Variants in BPIFB2 observed in about 807,000 individuals in gnomAD.
The protein encoded by BPIFB2 is BPI fold-containing family B member 2.
BPIFB2 carries 39 observed loss-of-function variants against 50.1 expected under a neutral mutation model. The ratio of observed to expected loss-of-function variants is 0.78; its 90% CI spans 0.60 to 1.02. The LOEUF (loss-of-function observed/expected upper bound fraction) is 1.02. Among genes scored for constraint, BPIFB2 ranks in the 50% least tolerant of loss-of-function variants. The probability of loss-of-function intolerance (pLI) is 0.00; values close to 1 mark genes in which losing one functional copy is unlikely to be tolerated. For synonymous variants in BPIFB2, 280 were observed against 256.3 expected (o/e 1.09, Z -0.88); for missense variants, 574 against 585.8 (o/e 0.98, Z 0.21).
At position 33,019,048 on chromosome 20, in the gene BPIFB2, G is replaced by C; in HGVS notation, c.856-14G>C. On this transcript the variant is annotated splice_polypyrimidine_tract_variant and intron_variant, in intron 9 of 15. Coordinates refer to ENST00000170150, the MANE Select transcript of BPIFB2 (RefSeq NM_025227.3). Reference sequence around the variant, plus strand: ...TGTCCTAAAACCTGTTGTGGCCTGGGGTGCTGATTTCAGAGGTCGGATGAC... The same window carrying C: ...TGTCCTAAAACCTGTTGTGGCCTGGCGTGCTGATTTCAGAGGTCGGATGAC... The C allele has an allele frequency of 6.2e-7, 1 of 1,614,168 alleles. No homozygotes were observed. The highest frequency in any genetic ancestry group is 8.5e-7 in the Non-Finnish European group (1 of 1,180,024).
At chr20:33,022,684 G>A (rs1978719502) in intron 15 of BPIFB2, among the ~76,000 whole-genome samples, 2 of 152,222 alleles carry the variant, frequency 1.3e-5, no homozygotes, top group South Asian at 2.1e-4. Flanking sequence ...TGGCTACTGA[G>A]CACTGAAATG....
Position 33,015,176 on chromosome 20 carries a change from C to T in BPIFB2, c.456-260C>T, listed in dbSNP as rs1041379230. Among the ~76,000 whole-genome samples, 6 of 152,190 alleles carry T rather than the reference C, an allele frequency of 3.9e-5. No homozygotes were observed. The East Asian group carries it at 7.7e-4, about 20-fold the overall frequency. On this transcript the variant is annotated intron_variant, in intron 5 of 15. Coordinates refer to ENST00000170150, the MANE Select transcript of BPIFB2 (RefSeq NM_025227.3). ...TCATGGCCAAGTCTGGCTTTTGCAA[C>T]GCCCTCTCTGTCTCACGCGCCACAT...
intron 5 of BPIFB2, 71 bp downstream of exon 5, chr20:33,014,027 C>T: frequency 6.5e-7 from 1 of 1,541,356 alleles, no homozygotes; most frequent in Non-Finnish European, 8.8e-7. Flanking sequence ...TCCTGAGCTG[C>T]CCACTCAGGA....
Position 33,012,899 on chromosome 20 carries a change from G to T in BPIFB2, c.300G>T (p.Lys100Asn), listed in dbSNP as rs774436795. ...TGGCAGCAGCTAATTTTACTTTCAA[G>T]GTCTTTCGGTGAGCGGATCTCCTTG... ...RLLAAANFTFKVFRAPEPLEL... is the reference protein window; with the variant it reads ...RLLAAANFTFNVFRAPEPLEL... Residue 100 changes from lysine (K) to asparagine (N), a missense_variant, in exon 4 of 16, where the codon AAG becomes AAT. Physicochemically the swap from Lys to Asn is moderately conservative, Grantham distance 94 (BLOSUM62 0). Coordinates refer to ENST00000170150, the MANE Select transcript of BPIFB2 (RefSeq NM_025227.3). The T allele has an allele frequency of 1.2e-6, 2 of 1,610,628 alleles. No homozygotes were observed. The highest frequency in any genetic ancestry group is 2.7e-5 in the African/African-American group (2 of 74,828).
At chr20:33,016,234 C>T (rs1380626369) in intron 6 of BPIFB2, among the ~76,000 whole-genome samples, 1 of 152,108 alleles carries the variant, frequency 6.6e-6, no homozygotes, top group Non-Finnish European at 1.5e-5. Flanking sequence ...TGCAACATGC[C>T]CACCTTACAG....
rs770303903 is a variant in BPIFB2, at chr20:33,018,677, C to T, written c.710C>T (p.Thr237Met). 44 of 1,613,922 alleles carry T rather than the reference C, an allele frequency of 2.7e-5. No homozygotes were observed. Among genetic ancestry groups the T allele is most frequent in the East Asian group, 4.5e-5 (2 of 44,890 alleles). ...CTGGGCAAGCCCATCATCCTGCCCA[C>T]GGATGCCACCCCTTTTGTGTTGCCA... ...FLLGKPIILP[T>M]DATPFVLPRH... Residue 237 changes from threonine (T) to methionine (M), a missense_variant, in exon 9 of 16, where the codon ACG (threonine) becomes ATG (methionine). By Grantham distance (81) the Thr-to-Met change is moderately conservative. Coordinates refer to ENST00000170150, the MANE Select transcript of BPIFB2 (RefSeq NM_025227.3).
Position 33,013,938 on chromosome 20 carries a change from A to T in BPIFB2, c.437A>T (p.Glu146Val). 2 of 1,613,694 alleles carry T rather than the reference A, an allele frequency of 1.2e-6. No homozygotes were observed. Among genetic ancestry groups the T allele is most frequent in the Non-Finnish European group, 1.7e-6 (2 of 1,179,670 alleles). ...TCTTTATTCTCGGGCCACGCCAACG[A>T]GTTTGATGGCAGTAACAGGTGGGTG... The part of the protein sequence containing the change: ...ACSLFSGHAN[E>V]FDGSNSTSHA... Residue 146 changes from glutamate to valine, a missense_variant, in exon 5 of 16, where the codon GAG becomes GTG. By Grantham distance (121) the Glu-to-Val change is moderately radical (BLOSUM62 -2). Coordinates refer to ENST00000170150, the MANE Select transcript of BPIFB2 (RefSeq NM_025227.3).
chr20:33,018,664 A>G lies in BPIFB2; in HGVS notation c.697A>G (p.Ile233Val), dbSNP rs148983624. Residue 233 changes from isoleucine (I) to valine (V), a missense_variant, in exon 9 of 16, where the codon ATC (isoleucine) becomes GTC (valine). Coordinates refer to ENST00000170150, the MANE Select transcript of BPIFB2 (RefSeq NM_025227.3). Reference protein sequence around the residue: ...NAVLFLLGKPIILPTDATPFV... With the variant: ...NAVLFLLGKPVILPTDATPFV... Reference sequence around the variant, plus strand: ...TGTTCTCTTCCTGCTGGGCAAGCCCATCATCCTGCCCACGGATGCCACCCC... The same window carrying G: ...TGTTCTCTTCCTGCTGGGCAAGCCCGTCATCCTGCCCACGGATGCCACCCC... The G allele has an allele frequency of 4.5e-5, 73 of 1,613,644 alleles. No homozygotes were observed. Among genetic ancestry groups the G allele is most frequent in the Non-Finnish European group, 5.4e-5 (64 of 1,179,886 alleles).
chr20:33,020,282 C>G (rs1457701757), intron 11 of BPIFB2, 46 bp from the exon 12 acceptor site: 1 of 1,586,792 alleles, frequency 6.3e-7, no homozygotes. Flanking sequence ...CTGGTGCCCC[C>G]CTCATGGCTC....
intron 5 of BPIFB2, among the ~76,000 whole-genome samples, chr20:33,014,676 A>G (rs1031174133): frequency 1.3e-5 from 2 of 152,228 alleles, no homozygotes; most frequent in Non-Finnish European, 2.9e-5. Context: ...GGTGTTGAGC[A>G]TCTTGGAGGC....
At chr20:33,013,784 C>G in intron 4 of BPIFB2, 26 bp from the exon 5 acceptor site, 1 of 1,606,080 alleles carries the variant, frequency 6.2e-7, no homozygotes, top group South Asian at 1.1e-5. Context: ...CGGTGCTGCT[C>G]GGGCTCAGGA....
chr20:33,016,264 AG>A (rs1978426347), intron 6 of BPIFB2, among the ~76,000 whole-genome samples: 1 of 152,120 alleles, frequency 6.6e-6, no homozygotes, highest in African/African-American at 2.4e-5. Context: ...CCGAGGCTCG[AG>A]GGGTGAAGGT....
At chr20:33,013,601 A>T (rs1457723127) in intron 4 of BPIFB2, among the ~76,000 whole-genome samples, 1 of 152,128 alleles carries the variant, frequency 6.6e-6, no homozygotes, top group Admixed American at 6.5e-5. Flanking sequence ...GCTCACACCC[A>T]CTGCTGCAAC....
At chr20:33,019,533 C>T (rs781324158) in intron 10 of BPIFB2, 47 bp from the exon 11 acceptor site, 35 of 1,526,706 alleles carry the variant, frequency 2.3e-5, no homozygotes, top group South Asian at 1.5e-4. Flanking sequence ...CCAGAGAGCC[C>T]GCCAGCCGCT....
rs200986279 is a variant in BPIFB2 at position 33,013,928 on chromosome 20, C to A, written c.427C>A (p.His143Asn). ...CTCTGCCTGCTCTTTATTCTCGGGC[C>A]ACGCCAACGAGTTTGATGGCAGTAA... ...SISACSLFSGHANEFDGSNST... is the reference protein window; with the variant it reads ...SISACSLFSGNANEFDGSNST... The change falls in exon 5 of 16, where the codon CAC becomes AAC. Residue 143 changes from histidine to asparagine, a missense_variant. Physicochemically the swap from His to Asn is moderately conservative, Grantham distance 68. Transcript: ENST00000170150. The A allele has an allele frequency of 1.9e-6, 3 of 1,613,822 alleles. No homozygotes were observed. Among genetic ancestry groups the A allele is most frequent in the Admixed American group, 3.3e-5 (2 of 59,994 alleles).
At position 33,019,604 on chromosome 20, in the gene BPIFB2, A is replaced by G. The variant is rs141388517; in HGVS notation, c.934A>G (p.Met312Val). The G allele has an allele frequency of 2.4e-4, 385 of 1,597,754 alleles. 1 individual carries two copies. The highest frequency in any genetic ancestry group is 3.2e-4 in the Non-Finnish European group (370 of 1,169,678). The change falls in exon 11 of 16, where the codon ATG becomes GTG. Residue 312 changes from methionine (M) to valine (V), a missense_variant. Physicochemically the swap from Met to Val is conservative, Grantham distance 21. Coordinates refer to ENST00000170150, the MANE Select transcript of BPIFB2 (RefSeq NM_025227.3). Reference sequence around the variant, plus strand: ...GGTGGCCCGCCAGTTTCCCGAGCCCATGCCTGTGGTGCTCAAGGTGCGGCT... The same window carrying G: ...GGTGGCCCGCCAGTTTCCCGAGCCCGTGCCTGTGGTGCTCAAGGTGCGGCT... ...PEVARQFPEP[M>V]PVVLKVRLGA...
In BPIFB2 at chr20:33,011,134, T is replaced by G; in HGVS notation, c.203+17T>G. On this transcript the variant is annotated intron_variant, in intron 3 of 15. Coordinates refer to ENST00000170150, the MANE Select transcript of BPIFB2 (RefSeq NM_025227.3). ...GCCCACCAGGTGAGTGCTCCCCTCC[T>G]CCAGAGAAGGTGCTCCTGCCACCAA... is the stretch of plus-strand genomic sequence containing the variant. 1 of 1,609,568 alleles carries G rather than the reference T, an allele frequency of 6.2e-7. No individual in the cohort carries two copies. The highest frequency in any genetic ancestry group is 8.5e-7 in the Non-Finnish European group (1 of 1,176,304).
chr20:33,019,451 G>C lies in BPIFB2; in HGVS notation c.910-129G>C. ...TGTAAGACCCACTGGCTTACACAGA[G>C]GGGGGACCCACCTCTGTGCCCAGTC... On this transcript the variant is annotated intron_variant, in intron 10 of 15. Transcript: ENST00000170150. 3 of 1,113,914 alleles carry C rather than the reference G, an allele frequency of 2.7e-6. No individual in the cohort carries two copies. The South Asian group carries it at 5.1e-5, about 19-fold the overall frequency. 69.0% of individuals were successfully genotyped at this position (1,113,914 alleles called of 1,614,324 possible).
chr20:33,010,372 G>A (rs943244557), intron 2 of BPIFB2, among the ~76,000 whole-genome samples: 2 of 152,156 alleles, frequency 1.3e-5, no homozygotes, highest in Admixed American at 6.5e-5. Context: ...AACGATTGCC[G>A]CTATTATTAC....
Sources: allele counts gnomAD v4.1 joint callset (sites outside exome capture counted in the v4.1 genomes callset), GRCh38; gene constraint gnomAD v4.1.1; transcripts MANE v1.5; gene names NCBI Gene and HGNC (gene_info 2026-07-23, HGNC 2026-07-21).